RANBP2: variants seen among roughly 807,000 people sequenced by gnomAD.
The protein encoded by RANBP2 is E3 SUMO-protein ligase RanBP2.
Under a neutral mutation model 303.6 loss-of-function variants are expected in RANBP2, and 57 were observed. The ratio of observed to expected loss-of-function variants is 0.19; its 90% CI spans 0.15 to 0.23. The LOEUF (loss-of-function observed/expected upper bound fraction) is 0.23. Ranked by LOEUF, RANBP2 falls within the 10% of genes least tolerant of loss-of-function variation. RANBP2 has a pLI of 1.00. For synonymous variants in RANBP2, 1,167 were observed against 1,301.5 expected (o/e 0.90, Z 2.23); for missense variants, 3,138 against 3,780.8 (o/e 0.83, Z 4.46).
chr2:109,575,724 CA>C, the RANBP2 span, among the ~76,000 whole-genome samples: 1 of 152,196 alleles, frequency 6.6e-6, no homozygotes, highest in Non-Finnish European at 1.5e-5. Flanking sequence ...GTTCCCATGT[CA>C]AATTCCCTGG....
chr2:109,451,129 C>T, the RANBP2 span, among the ~76,000 whole-genome samples: 31 of 152,346 alleles, frequency 2.0e-4, no homozygotes, highest in South Asian at 2.9e-3. Flanking sequence ...TGGTTGTTCC[C>T]GTGCTGACTG....
chr2:109,045,099 C>T, the RANBP2 span, among the ~76,000 whole-genome samples: 1 of 152,044 alleles, frequency 6.6e-6, no homozygotes, highest in East Asian at 1.9e-4. Context: ...TTGCATGAAC[C>T]TCTGATTTAT....
At chr2:109,257,682 C>CA in the RANBP2 span, among the ~76,000 whole-genome samples, 8 of 152,310 alleles carry the variant, frequency 5.3e-5, no homozygotes, top group East Asian at 1.2e-3. Context: ...AAGCCACTGA[C>CA]ACGTTCATTA....
chr2:109,227,545 G>A, the RANBP2 span, among the ~76,000 whole-genome samples: 2 of 152,194 alleles, frequency 1.3e-5, no homozygotes, highest in Admixed American at 1.3e-4. Context: ...CCTGGGCCCT[G>A]CCCTTCATCC....
chr2:108,856,105 T>C, the RANBP2 span, among the ~76,000 whole-genome samples: 1 of 152,330 alleles, frequency 6.6e-6, no homozygotes, highest in Admixed American at 6.5e-5. Flanking sequence ...TCATTTGCAA[T>C]GATTCTGCTT....
the RANBP2 span, among the ~76,000 whole-genome samples, chr2:108,792,015 C>T: frequency 6.6e-6 from 1 of 152,128 alleles, no homozygotes; most frequent in African/African-American, 2.4e-5. Context: ...TATTCCTGTA[C>T]CCTCAAAATT....
At chr2:109,622,788 C>T in the RANBP2 span, among the ~76,000 whole-genome samples, 2 of 152,150 alleles carry the variant, frequency 1.3e-5, no homozygotes, top group South Asian at 4.1e-4. Flanking sequence ...ATCTGGTTTT[C>T]GTACTATACA....
the RANBP2 span, among the ~76,000 whole-genome samples, chr2:108,888,828 C>A: frequency 6.6e-6 from 1 of 151,476 alleles, no homozygotes. Context: ...TTTATTATTT[C>A]TTTTTGTCTA....
the RANBP2 span, among the ~76,000 whole-genome samples, chr2:109,256,584 T>G: frequency 6.6e-6 from 1 of 152,180 alleles, no homozygotes; most frequent in Non-Finnish European, 1.5e-5. Context: ...TTTTGCTAGG[T>G]GCACTGGCCT....
chr2:109,119,122 C>T, the RANBP2 span, among the ~76,000 whole-genome samples: 1 of 152,182 alleles, frequency 6.6e-6, no homozygotes, highest in Non-Finnish European at 1.5e-5. Flanking sequence ...GGTAGGAGCT[C>T]TGGGGAAATG....
chr2:108,848,919 T>C, the RANBP2 span, among the ~76,000 whole-genome samples: 1 of 152,232 alleles, frequency 6.6e-6, no homozygotes, highest in African/African-American at 2.4e-5. Flanking sequence ...AATCATATGA[T>C]ACAGATGATA....
At chr2:109,140,668 A>G in the RANBP2 span, among the ~76,000 whole-genome samples, 1 of 152,208 alleles carries the variant, frequency 6.6e-6, no homozygotes, top group African/African-American at 2.4e-5. Context: ...GGCGTGAGCC[A>G]CCATGCCCGG....
At chr2:109,332,034 G>A in the RANBP2 span, among the ~76,000 whole-genome samples, 4 of 152,192 alleles carry the variant, frequency 2.6e-5, no homozygotes, top group Non-Finnish European at 2.9e-5. Flanking sequence ...CCGGAAATCT[G>A]TGGCTTTCTG....
the RANBP2 span, among the ~76,000 whole-genome samples, chr2:109,654,383 T>C: frequency 6.6e-6 from 1 of 151,938 alleles, no homozygotes; most frequent in Non-Finnish European, 1.5e-5. Context: ...AAATTCTCAA[T>C]TTCTTTGGTC....
chr2:108,868,570 C>G, the RANBP2 span, among the ~76,000 whole-genome samples: 1 of 152,136 alleles, frequency 6.6e-6, no homozygotes, highest in Non-Finnish European at 1.5e-5. Flanking sequence ...TCTCCTCCAG[C>G]CTTTCATTGC....
chr2:108,910,538 G>T, the RANBP2 span: 2 of 1,611,108 alleles, frequency 1.2e-6, no homozygotes, highest in Non-Finnish European at 1.7e-6. Flanking sequence ...GTTGTCTGCA[G>T]GGAAATGGGG....
At chr2:109,484,496 A>T in the RANBP2 span, among the ~76,000 whole-genome samples, 2 of 152,130 alleles carry the variant, frequency 1.3e-5, no homozygotes, top group African/African-American at 4.8e-5. Flanking sequence ...ATCACTCACC[A>T]GCCCAGGCCT....
chr2:109,573,885 T>A, the RANBP2 span, among the ~76,000 whole-genome samples: 1 of 152,198 alleles, frequency 6.6e-6, no homozygotes, highest in South Asian at 2.1e-4. Context: ...CAAATTAAAA[T>A]GTATTTTACG....
chr2:109,525,639 A>C, the RANBP2 span, among the ~76,000 whole-genome samples: 98,254 of 152,138 alleles, frequency 0.65, 32,311 homozygotes, highest in African/African-American at 0.77. Context: ...CTGGACAACA[A>C]CTTGGTCACC....
Sources: allele counts gnomAD v4.1 joint callset (sites outside exome capture counted in the v4.1 genomes callset), GRCh38; gene constraint gnomAD v4.1.1; transcripts MANE v1.5; gene names NCBI Gene and HGNC (gene_info 2026-07-23, HGNC 2026-07-21).